The following POC1B variants were observed in gnomAD, a reference collection of about 807,000 sequenced individuals.
The protein encoded by POC1B is POC1 centriolar protein homolog B.
In POC1B, 44 loss-of-function variants were observed where a neutral mutation model predicts 60.6. The observed-to-expected ratio is 0.73, with a 90% CI of 0.57 to 0.93. POC1B has a LOEUF of 0.93. POC1B is among the 40% of genes least tolerant of loss of function. The pLI is 0.00. For missense variants in POC1B, 555 were observed against 572.3 expected (o/e 0.97, Z 0.31); for synonymous variants, 180 against 198.9 (o/e 0.90, Z 0.80).
In POC1B at chr12:89,437,711, T is replaced by C. The variant is rs1881329289; in HGVS notation, c.1114-12332A>G. 2.6e-5 allele frequency among the ~76,000 whole-genome samples: 4 copies of C among 151,904 alleles called. No individual in the cohort carries two copies. In the South Asian group the frequency reaches 8.3e-4, roughly 32 times the overall value. On this transcript the variant is annotated intron_variant, in intron 10 of 11. Transcript: ENST00000313546. Reference sequence around the variant, plus strand: ...TTGCTCTTTCATTTGTACATTCTCATTGCTTGGTATATAACAGGTACTCAA... The same window carrying C: ...TTGCTCTTTCATTTGTACATTCTCACTGCTTGGTATATAACAGGTACTCAA...
At chr12:89,482,821 A>C (rs1274552386) in intron 4 of POC1B, among the ~76,000 whole-genome samples, 1 of 151,926 alleles carries the variant, frequency 6.6e-6, no homozygotes, top group African/African-American at 2.4e-5. Context: ...CTGTGTACCC[A>C]CCCAAATCTC....
chr12:89,474,672 G>A (rs983258937), intron 4 of POC1B, among the ~76,000 whole-genome samples: 1 of 152,156 alleles, frequency 6.6e-6, no homozygotes, highest in African/African-American at 2.4e-5. Flanking sequence ...ATTTGAATCA[G>A]GCAGTTGTTT....
chr12:89,463,162 TATC>T (rs1158741973), intron 9 of POC1B, among the ~76,000 whole-genome samples: 1 of 152,192 alleles, frequency 6.6e-6, no homozygotes, highest in Admixed American at 6.5e-5. Context: ...TCCTGCTAAA[TATC>T]ATACAGAATT....
chr12:89,410,407 C>T, the POC1B span, among the ~76,000 whole-genome samples: 14 of 152,218 alleles, frequency 9.2e-5, no homozygotes, highest in African/African-American at 3.1e-4. Flanking sequence ...AGGTCGGGCG[C>T]GGTGGCTCAC....
intron 10 of POC1B, chr12:89,426,483 A>T (rs1880769925): frequency 6.6e-6 from 1 of 152,248 alleles, no homozygotes; most frequent in Admixed American, 6.5e-5. Flanking sequence ...TAAGAAAATA[A>T]TTCCATTTAC....
chr12:89,416,563 A>G (rs567843835), downstream of POC1B, among the ~76,000 whole-genome samples: 1 of 152,190 alleles, frequency 6.6e-6, no homozygotes, highest in Non-Finnish European at 1.5e-5. Context: ...GGATATCTAC[A>G]GTGTTAACTA....
intron 11 of POC1B, among the ~76,000 whole-genome samples, chr12:89,422,129 T>C (rs570192715): frequency 1.3e-5 from 2 of 152,194 alleles, no homozygotes; most frequent in Non-Finnish European, 2.9e-5. Context: ...TGGATTCTTA[T>C]AAGAAATACA....
intron 10 of POC1B, among the ~76,000 whole-genome samples, chr12:89,439,767 C>A (rs1017336302): frequency 2.0e-5 from 3 of 151,982 alleles, no homozygotes; most frequent in Non-Finnish European, 4.4e-5. Context: ...CCATGCCTGG[C>A]TAATTTTTTT....
chr12:89,461,405 T>C (rs1592602726), intron 9 of POC1B: 1 of 152,248 alleles, frequency 6.6e-6, no homozygotes, highest in East Asian at 1.9e-4. Context: ...AGAAAGAAGA[T>C]TGTCAAGGGT....
intron 2 of POC1B, among the ~76,000 whole-genome samples, chr12:89,511,063 A>G (rs571365121): frequency 1.3e-5 from 2 of 152,038 alleles, no homozygotes; most frequent in Admixed American, 1.3e-4. Flanking sequence ...CAAACAGTAC[A>G]TATTTTAGAT....
intron 4 of POC1B, among the ~76,000 whole-genome samples, chr12:89,480,470 G>C (rs1039174133): frequency 6.6e-6 from 1 of 151,356 alleles, no homozygotes; most frequent in Non-Finnish European, 1.5e-5. Flanking sequence ...TGCCAGTCTG[G>C]AGTACGGTGG....
At chr12:89,470,626 C>T (rs1466848903) in intron 6 of POC1B, 132 bp from the exon 7 acceptor site, 2 of 597,550 alleles carry the variant, frequency 3.3e-6, no homozygotes, top group Admixed American at 7.1e-5. Flanking sequence ...ATATGGCTCA[C>T]TAAAACGAGT....
At chr12:89,488,439 T>C (rs1047794925) in intron 4 of POC1B, among the ~76,000 whole-genome samples, 26 of 152,186 alleles carry the variant, frequency 1.7e-4, no homozygotes, top group African/African-American at 5.6e-4. Flanking sequence ...CAGGAGCACA[T>C]AGCACTGGAC....
intron 2 of POC1B, among the ~76,000 whole-genome samples, chr12:89,516,871 CTT>C (rs780687685): frequency 1.3e-5 from 2 of 152,150 alleles, no homozygotes; most frequent in Non-Finnish European, 2.9e-5. Context: ...GTGGCCTCCT[CTT>C]ATGTCCTCTG....
chr12:89,474,042 T>TA (rs1394977680), intron 4 of POC1B, among the ~76,000 whole-genome samples: 1 of 151,732 alleles, frequency 6.6e-6, no homozygotes, highest in Non-Finnish European at 1.5e-5. Context: ...CCATGTCTAC[T>TA]AAAAAATACA....
the POC1B span, among the ~76,000 whole-genome samples, chr12:89,402,604 C>T: frequency 0.046 from 6,968 of 152,204 alleles, 433 homozygotes; most frequent in East Asian, 0.21. Context: ...CTCCAACTTA[C>T]AAGTCAGAAC....
chr12:89,472,208 T>C lies in POC1B; in HGVS notation c.520A>G (p.Thr174Ala), dbSNP rs1275471138. ...AAGTTATTAACACATTGCTTATTTG[T>C]GGTATCCCAAATTTTAATAGTTTTA... ...EDKTIKIWDT[T>A]NKQCVNNFSD... Residue 174 changes from threonine to alanine, a missense_variant, in exon 5 of 12, where the codon ACA (threonine) becomes GCA (alanine). Physicochemically the swap from Thr to Ala is moderately conservative, Grantham distance 58 (BLOSUM62 0). Transcript: ENST00000313546. 21 of 1,606,874 alleles carry C rather than the reference T, an allele frequency of 1.3e-5. No homozygotes were observed. The highest frequency in any genetic ancestry group is 1.8e-5 in the Non-Finnish European group (21 of 1,173,912).
intron 10 of POC1B, chr12:89,429,497 G>A (rs969931939): frequency 2.0e-5 from 3 of 152,224 alleles, no homozygotes; most frequent in African/African-American, 4.8e-5. Context: ...TCCAGCAAGT[G>A]AGTCTGTAGT....
At chr12:89,521,741 T>C (rs1870895964) in intron 2 of POC1B, 1 of 332,524 alleles carries the variant, frequency 3.0e-6, no homozygotes. Context: ...GCTGCCTAAG[T>C]GCCAGGCTCG....
Sources: gnomAD v4.1 joint callset for allele counts (sites outside exome capture counted in the v4.1 genomes callset) on GRCh38, gnomAD v4.1.1 for gene constraint, MANE v1.5 for transcripts, NCBI Gene and HGNC (gene_info 2026-07-23, HGNC 2026-07-21) for gene names.